KCNK16: variants seen among roughly 807,000 people sequenced by gnomAD.
KCNK16 encodes the protein potassium two pore domain channel subfamily K member 16, also known as potassium channel subfamily K member 16.
A neutral mutation model predicts 23.0 loss-of-function variants in KCNK16; 23 were observed. The observed-to-expected ratio is 1.00, with a 90% confidence interval of 0.72 to 1.41. The LOEUF is 1.41. Among genes scored for constraint, KCNK16 ranks in the 40% most tolerant of loss-of-function variants. The pLI, the probability that KCNK16 is intolerant of heterozygous loss-of-function variation, is 0.00. For synonymous variants in KCNK16, 145 were observed against 153.5 expected (o/e 0.94, Z 0.41); for missense variants, 327 against 365.8 (o/e 0.89, Z 0.87).
At chr6:39,318,919 TCTC>T (rs148199054) in intron 2 of KCNK16, 97 bp downstream of exon 2, 21,132 of 788,406 alleles carry the variant, frequency 0.027, 376 homozygotes, top group Non-Finnish European at 0.027. Flanking sequence ...TCCTGAATAA[TCTC>T]CTAGACAAAC....
In KCNK16 at chr6:39,316,766, A is replaced by G; in HGVS notation, c.661+16T>C. 6.2e-7 allele frequency: 1 copy of G among 1,609,138 alleles called. No individual in the cohort carries two copies. Among genetic ancestry groups the G allele is most frequent in the African/African-American group, 1.3e-5 (1 of 74,894 alleles). On this transcript the variant is annotated intron_variant, in intron 4 of 4. Transcript: ENST00000437525. Reference sequence around the variant, plus strand: ...GGCACCCCCACCCTGAGATAATGTGACTGTTTTGTTCTCACCAACAACATA... The same window carrying G: ...GGCACCCCCACCCTGAGATAATGTGGCTGTTTTGTTCTCACCAACAACATA...
Position 39,319,613 on chromosome 6 carries a change from G to T in KCNK16, c.214-480C>A, listed in dbSNP as rs1047804132. 2.0e-5 allele frequency among the ~76,000 whole-genome samples: 3 copies of T among 152,158 alleles called. No homozygotes were observed. The highest frequency in any genetic ancestry group is 7.2e-5 in the African/African-American group (3 of 41,414). On this transcript the variant is annotated intron_variant, in intron 1 of 4. Transcript: ENST00000437525. This position sits in a 1 kb window ranked among gnomAD's most constrained non-coding sequence, Gnocchi z 4.2. Reference sequence around the variant, plus strand: ...GGCTGCCTGCTATGAAGCTAATGGTGGGAAAGAGAGCCCTGTGTTCCCTAA... The same window carrying T: ...GGCTGCCTGCTATGAAGCTAATGGTTGGAAAGAGAGCCCTGTGTTCCCTAA...
At chr6:39,317,083 G>T in intron 3 of KCNK16, 136 bp from the exon 4 acceptor site, 1 of 812,874 alleles carries the variant, frequency 1.2e-6, no homozygotes, top group Non-Finnish European at 1.9e-6. Flanking sequence ...AGACCCTCGA[G>T]GTGGAGGTTG....
rs754365270 is a variant in KCNK16 at position 39,319,019 on chromosome 6, C to T, written c.328G>A (p.Gly110Arg). The change falls in exon 2 of 5, where the codon GGA becomes AGA. Residue 110 changes from glycine (G) to arginine (R), a missense_variant and splice_region_variant. Physicochemically the swap from Gly to Arg is moderately radical, Grantham distance 125 (BLOSUM62 -2). Coordinates refer to ENST00000437525, the MANE Select transcript of KCNK16 (RefSeq NM_001135106.2). This position sits in a 1 kb window ranked among gnomAD's most constrained non-coding sequence, Gnocchi z 4.2. The stretch of plus-strand genomic sequence containing the variant: ...GCTCTTCTCTACCCCAGCCCTTTAC[C>T]TATGGTAGTGACGACTGTGCCTGCA... Reference protein sequence around the residue: ...FFAGTVVTTIGYGNLAPSTEA... With the variant: ...FFAGTVVTTIRYGNLAPSTEA... The T allele has an allele frequency of 3.7e-6, 6 of 1,608,390 alleles. No homozygotes were observed. The highest frequency in any genetic ancestry group is 5.1e-6 in the Non-Finnish European group (6 of 1,174,854).
rs1309790980 is a variant in KCNK16 at position 39,319,222 on chromosome 6, T to C, written c.214-89A>G. ...CCATGCTTTTGGCAGCATGCTTTTG[T>C]GTCATCTCATCTAATGATACTCTTA... On this transcript the variant is annotated intron_variant, in intron 1 of 4. Transcript: ENST00000437525. This position sits in a 1 kb window ranked among gnomAD's most constrained non-coding sequence, Gnocchi z 4.2. 2.6e-6 allele frequency: 2 copies of C among 769,780 alleles called. No homozygotes were observed. Among genetic ancestry groups the C allele is most frequent in the South Asian group, 1.4e-5 (1 of 71,914 alleles). The allele number at this position is 769,780 out of a possible 1,614,324, so 47.7% of individuals were successfully genotyped here.
Position 39,319,406 on chromosome 6 carries a change from G to C in KCNK16, c.214-273C>G, listed in dbSNP as rs917091029. Among the ~76,000 whole-genome samples, 4 of 152,174 alleles carry C rather than the reference G, an allele frequency of 2.6e-5. No homozygotes were observed. Among genetic ancestry groups the C allele is most frequent in the African/African-American group, 9.7e-5 (4 of 41,436 alleles). ...GTGGGCTGCAAGCATGGGCTGGGGCGGGAGATGGGCCTGAGGGGTGAGGTG... is the reference window on the plus strand; with the variant it reads ...GTGGGCTGCAAGCATGGGCTGGGGCCGGAGATGGGCCTGAGGGGTGAGGTG... On this transcript the variant is annotated intron_variant, in intron 1 of 4. Transcript: ENST00000437525. This position sits in a 1 kb window ranked among gnomAD's most constrained non-coding sequence, Gnocchi z 4.2.
chr6:39,315,264 GA>G, downstream of KCNK16: 1 of 1,595,674 alleles, frequency 6.3e-7, no homozygotes, highest in Non-Finnish European at 8.5e-7. Flanking sequence ...TCTGGCAGGG[GA>G]AAGGCCAGAC....
chr6:39,322,493 G>A lies in KCNK16; in HGVS notation c.48C>T (p.Pro16=). 6.2e-7 allele frequency: 1 copy of A among 1,612,786 alleles called. No homozygotes were observed. The highest frequency in any genetic ancestry group is 8.5e-7 in the Non-Finnish European group (1 of 1,179,798). The change falls in exon 1 of 5, where the codon CCC becomes CCT. Residue 16 remains proline, a synonymous_variant. Coordinates refer to ENST00000437525, the MANE Select transcript of KCNK16 (RefSeq NM_001135106.2). ...LCSCWGGRVL[P]LLLAYVCYLL... Reference sequence around the variant, plus strand: ...GGTAGCAGACATAGGCCAGCAGCAGGGGCAGCACCCGGCCACCCCAGCAGC... The same window carrying A: ...GGTAGCAGACATAGGCCAGCAGCAGAGGCAGCACCCGGCCACCCCAGCAGC...
In KCNK16 at chr6:39,317,969, G is replaced by C; in HGVS notation, c.329-17C>G. Reference sequence around the variant, plus strand: ...TCCCATATCCTGCAAGGGAAGGGGGGCGTGTGCAAATATGGAGACTCTAGA... The same window carrying C: ...TCCCATATCCTGCAAGGGAAGGGGGCCGTGTGCAAATATGGAGACTCTAGA... On this transcript the variant is annotated splice_polypyrimidine_tract_variant and intron_variant, in intron 2 of 4. Transcript: ENST00000437525. The C allele has an allele frequency of 6.3e-7, 1 of 1,589,052 alleles. No homozygotes were observed. Among genetic ancestry groups the C allele is most frequent in the Non-Finnish European group, 8.6e-7 (1 of 1,165,314 alleles).
At chr6:39,317,699 C>T (rs781495002) in intron 3 of KCNK16, 87 bp downstream of exon 3, 50 of 1,408,900 alleles carry the variant, frequency 3.5e-5, no homozygotes, top group Non-Finnish European at 4.7e-5. Flanking sequence ...CCATGCATGC[C>T]AAACTCCATC....
chr6:39,322,359 A>G lies in KCNK16; in HGVS notation c.182T>C (p.Leu61Pro), dbSNP rs771722422. ...AAACTGCTCCATGGCCCACTGGTCC[A>G]GGCAGGTGTAGTTCTCCAGGAAGCG... ...KLRFLENYTCLDQWAMEQFVQ... is the reference protein window; with the variant it reads ...KLRFLENYTCPDQWAMEQFVQ... The change falls in exon 1 of 5, where the codon CTG becomes CCG. Residue 61 changes from leucine (L) to proline (P), a missense_variant. Leu to Pro is a moderately conservative substitution (Grantham distance 98). Coordinates refer to ENST00000437525, the MANE Select transcript of KCNK16 (RefSeq NM_001135106.2). The G allele has an allele frequency of 9.3e-6, 15 of 1,614,062 alleles. No individual in the cohort carries two copies. In the East Asian group the frequency reaches 2.7e-4, roughly 29 times the overall value.
Position 39,316,852 on chromosome 6 carries a change from C to T in KCNK16, c.591G>A (p.Trp197Ter), listed in dbSNP as rs765517714. ...PPMVFSHVEG[W>*]SFSEGFYFAF... Reference sequence around the variant, plus strand: ...CAAAGTAGAAGCCCTCGCTGAAGCTCCAGCCCTCCACATGGCTGAAGACCA... The same window carrying T: ...CAAAGTAGAAGCCCTCGCTGAAGCTTCAGCCCTCCACATGGCTGAAGACCA... Residue 197 changes from tryptophan (W) to a stop codon, truncating the protein, a stop_gained, in exon 4 of 5, where the codon TGG becomes TGA. Coordinates refer to ENST00000437525, the MANE Select transcript of KCNK16 (RefSeq NM_001135106.2). LOFTEE classifies it high-confidence loss of function. 13 of 1,614,020 alleles carry T rather than the reference C, an allele frequency of 8.1e-6. No individual in the cohort carries two copies.
intron 1 of KCNK16, among the ~76,000 whole-genome samples, chr6:39,321,941 G>A (rs1383918741): frequency 2.0e-5 from 3 of 152,262 alleles, no homozygotes; most frequent in Non-Finnish European, 2.9e-5. Context: ...GGAAGGGGAA[G>A]TATGAAAGTG....
intron 1 of KCNK16, among the ~76,000 whole-genome samples, chr6:39,320,132 T>G (rs1337763401): frequency 6.6e-6 from 1 of 152,202 alleles, no homozygotes; most frequent in African/African-American, 2.4e-5. Context: ...CAGTTCCCGC[T>G]GGCTGGGTGG....
intron 3 of KCNK16, 91 bp downstream of exon 3, chr6:39,317,695 A>G (rs1762370684): frequency 1.4e-6 from 2 of 1,387,248 alleles, no homozygotes; most frequent in East Asian, 2.6e-5. Flanking sequence ...AACACCATGC[A>G]TGCCAAACTC....
chr6:39,317,651 C>G, intron 3 of KCNK16, 135 bp downstream of exon 3: 1 of 1,015,250 alleles, frequency 9.8e-7, no homozygotes, highest in Non-Finnish European at 1.4e-6. Flanking sequence ...CCAACCCTGC[C>G]TTCACCCTTC....
At chr6:39,315,371 G>C, downstream of KCNK16, 1 of 1,551,616 alleles carries the variant, frequency 6.4e-7, no homozygotes, top group South Asian at 1.2e-5. Flanking sequence ...CCCATGGGGT[G>C]TTTGGAAAGG....
rs910221177 is a variant in KCNK16 at position 39,319,007 on chromosome 6, C to T, written c.328+12G>A. ...GGCCTTGGGGAAGCTCTTCTCTACC[C>T]CAGCCCTTTACCTATGGTAGTGACG... On this transcript the variant is annotated intron_variant, in intron 2 of 4. Coordinates refer to ENST00000437525, the MANE Select transcript of KCNK16 (RefSeq NM_001135106.2). The surrounding 1 kb of genome is among the most constrained non-coding windows in gnomAD (Gnocchi z 4.2). 2.5e-6 allele frequency: 4 copies of T among 1,584,658 alleles called. No homozygotes were observed. The highest frequency in any genetic ancestry group is 2.6e-6 in the Non-Finnish European group (3 of 1,153,108).
chr6:39,322,169 A>C (rs1193817994), intron 1 of KCNK16, among the ~76,000 whole-genome samples, 159 bp downstream of exon 1: 1 of 152,160 alleles, frequency 6.6e-6, no homozygotes, highest in Non-Finnish European at 1.5e-5. Context: ...CTGGGGCCAG[A>C]ATCCAGGATT....
Sources: gnomAD v4.1 joint callset for allele counts (sites outside exome capture counted in the v4.1 genomes callset) on GRCh38, gnomAD v4.1.1 for gene constraint, Gnocchi (gnomAD v3.1) non-coding constraint, MANE v1.5 for transcripts, NCBI Gene and HGNC (gene_info 2026-07-23, HGNC 2026-07-21) for gene names.